The following TOX variants were observed in gnomAD, a reference collection of about 807,000 sequenced individuals.
TOX encodes the protein thymocyte selection-associated high mobility group box protein TOX.
A neutral mutation model predicts 53.7 loss-of-function variants in TOX; 11 were observed. The observed-to-expected ratio is 0.20, with a 90% confidence interval of 0.13 to 0.34. TOX has a LOEUF of 0.34. TOX is among the 10% of genes least tolerant of loss of function. TOX has a pLI of 1.00. For synonymous variants in TOX, 225 were observed against 245.3 expected, an observed-to-expected ratio of 0.92 and a Z score of 0.77; for missense variants, 570 against 664.6, an observed-to-expected ratio of 0.86 and a Z score of 1.56.
At chr8:58,887,754 T>C (rs1811495114) in intron 3 of TOX, among the ~76,000 whole-genome samples, 1 of 152,104 alleles carries the variant, frequency 6.6e-6, no homozygotes, top group African/African-American at 2.4e-5. Context: ...CTTAAGTTTA[T>C]TTTGTTGCTC....
At chr8:58,977,203 G>A (rs1248315086) in intron 1 of TOX, among the ~76,000 whole-genome samples, 13 of 152,194 alleles carry the variant, frequency 8.5e-5, no homozygotes, top group African/African-American at 2.2e-4. Flanking sequence ...CAGCTTCTAC[G>A]TCAGCACTTG....
At position 58,881,459 on chromosome 8, in the gene TOX, T is replaced by C. The variant is rs143722939; in HGVS notation, c.412-29654A>G. Among the ~76,000 whole-genome samples the C allele has an allele frequency of 2.6e-5, 4 of 152,242 alleles. No individual in the cohort carries two copies. The East Asian group carries it at 7.7e-4, about 29-fold the overall frequency. ...AGAGAGTAAGGCCAGGTGCTGTGGC[T>C]CATGCTTGTAATCCCAGCACTTCGT... On this transcript the variant is annotated intron_variant, in intron 3 of 8. Coordinates refer to ENST00000361421, the MANE Select transcript of TOX (RefSeq NM_014729.3).
At chr8:58,998,536 T>A (rs1248786310) in intron 1 of TOX, among the ~76,000 whole-genome samples, 58 of 37,740 alleles carry the variant, frequency 1.5e-3, no homozygotes, top group Non-Finnish European at 2.5e-3. Flanking sequence ...TATATATATA[T>A]ATAAATTTAT....
chr8:59,114,186 A>G (rs986044641), intron 1 of TOX, among the ~76,000 whole-genome samples: 2 of 152,232 alleles, frequency 1.3e-5, no homozygotes, highest in African/African-American at 2.4e-5. Flanking sequence ...AGATATTTAC[A>G]TATTAGTTTA....
chr8:58,950,477 T>C (rs972290369), intron 2 of TOX, among the ~76,000 whole-genome samples: 1 of 152,210 alleles, frequency 6.6e-6, no homozygotes, highest in Non-Finnish European at 1.5e-5. Context: ...CATGCTGATA[T>C]GCAATCCTAC....
At chr8:58,873,645 A>C (rs1202991129) in intron 3 of TOX, among the ~76,000 whole-genome samples, 3 of 152,140 alleles carry the variant, frequency 2.0e-5, no homozygotes, top group African/African-American at 4.8e-5. Context: ...GTGTCAATCA[A>C]AGTGCAGCTA....
At chr8:59,021,500 G>GACACA (rs1814135308) in intron 1 of TOX, among the ~76,000 whole-genome samples, 1 of 120,792 alleles carries the variant, frequency 8.3e-6, no homozygotes, top group African/African-American at 3.0e-5. Context: ...ATATATATAT[G>GACACA]CACATATATA....
chr8:58,931,463 A>G (rs1256219867), intron 3 of TOX, among the ~76,000 whole-genome samples: 2 of 152,206 alleles, frequency 1.3e-5, no homozygotes, highest in African/African-American at 4.8e-5. Context: ...CAAATATTTG[A>G]AATCAACTGT....
At chr8:58,885,252 A>G (rs1380528501) in intron 3 of TOX, among the ~76,000 whole-genome samples, 3 of 152,078 alleles carry the variant, frequency 2.0e-5, no homozygotes, top group East Asian at 1.9e-4. Context: ...CAGTAATCTC[A>G]TAATTACTGG....
At chr8:59,028,057 A>G (rs1042491505) in intron 1 of TOX, among the ~76,000 whole-genome samples, 6 of 152,190 alleles carry the variant, frequency 3.9e-5, no homozygotes, top group Non-Finnish European at 8.8e-5. Flanking sequence ...TATACTAAGC[A>G]TTAGAACTAA....
intron 3 of TOX, among the ~76,000 whole-genome samples, chr8:58,861,190 G>A (rs559355042): frequency 1.3e-5 from 2 of 152,312 alleles, no homozygotes; most frequent in South Asian, 4.1e-4. Flanking sequence ...TACTTGACAA[G>A]GTGCATCTCT....
chr8:58,911,503 G>C (rs1811907020), intron 3 of TOX, among the ~76,000 whole-genome samples: 1 of 151,928 alleles, frequency 6.6e-6, no homozygotes, highest in Non-Finnish European at 1.5e-5. Context: ...AATAATGTAA[G>C]GATTAAATTC....
chr8:58,998,509 A>T (rs1187531422), intron 1 of TOX, among the ~76,000 whole-genome samples: 1 of 96,462 alleles, frequency 1.0e-5, no homozygotes, highest in Non-Finnish European at 1.9e-5. Flanking sequence ...ATATATATAT[A>T]TATATATATA....
At chr8:58,832,266 AATTTTCATTGCTCAGTTTCAAATTTG>A (rs1242912785) in intron 5 of TOX, among the ~76,000 whole-genome samples, 1 of 150,684 alleles carries the variant, frequency 6.6e-6, no homozygotes, top group African/African-American at 2.4e-5. Context: ...TTCATATAAT[AATTTTCATTGCTCAGTTTCAAATTTG>A]TGTGAATATG....
chr8:59,050,033 C>T (rs1164570327), intron 1 of TOX, among the ~76,000 whole-genome samples: 1 of 152,084 alleles, frequency 6.6e-6, no homozygotes, highest in Non-Finnish European at 1.5e-5. Flanking sequence ...ATTTTATAAG[C>T]CTGGTATCGA....
intron 1 of TOX, among the ~76,000 whole-genome samples, chr8:58,991,064 T>C (rs1253020338): frequency 2.0e-5 from 3 of 152,106 alleles, no homozygotes; most frequent in African/African-American, 4.8e-5. Context: ...ATGAAGAAAA[T>C]TGAGGCAGAA....
chr8:58,855,760 C>CACCTATA (rs1810902932), intron 3 of TOX, among the ~76,000 whole-genome samples: 1 of 152,186 alleles, frequency 6.6e-6, no homozygotes, highest in Non-Finnish European at 1.5e-5. Flanking sequence ...ATGAAACTCA[C>CACCTATA]ACCTATAACC....
intron 1 of TOX, among the ~76,000 whole-genome samples, chr8:59,094,558 A>G (rs948745048): frequency 2.0e-5 from 3 of 151,604 alleles, no homozygotes; most frequent in Admixed American, 1.3e-4. Context: ...TTAGAATAAT[A>G]CTTGGGGTTT....
chr8:58,839,310 A>G (rs1810603773), intron 4 of TOX, among the ~76,000 whole-genome samples: 1 of 152,276 alleles, frequency 6.6e-6, no homozygotes, highest in Admixed American at 6.5e-5. Context: ...GTTCAAATTT[A>G]AATAGCTACA....
Sources: allele counts gnomAD v4.1 joint callset (sites outside exome capture counted in the v4.1 genomes callset), GRCh38; gene constraint gnomAD v4.1.1; transcripts MANE v1.5; gene names NCBI Gene and HGNC (gene_info 2026-07-23, HGNC 2026-07-21).